The following PRKAG2 variants were observed in gnomAD, a reference collection of about 807,000 sequenced individuals.
PRKAG2 encodes the protein 5'-AMP-activated protein kinase subunit gamma-2.
A neutral mutation model predicts 69.6 loss-of-function variants in PRKAG2; 26 were observed. That is an observed-to-expected ratio of 0.37 (90% CI 0.27 to 0.52). PRKAG2 has a LOEUF of 0.52. Among genes scored for constraint, PRKAG2 ranks in the 20% least tolerant of loss-of-function variants. The pLI, the probability that PRKAG2 is intolerant of heterozygous loss-of-function variation, is 0.90. For missense variants in PRKAG2, 557 were observed against 740.0 expected (o/e 0.75, Z 2.87); for synonymous variants, 293 against 285.0 (o/e 1.03, Z -0.28).
intron 3 of PRKAG2, among the ~76,000 whole-genome samples, chr7:151,709,779 A>C (rs1585954261): frequency 6.6e-6 from 1 of 152,220 alleles, no homozygotes; most frequent in African/African-American, 2.4e-5. Context: ...ACACTGTGAC[A>C]CGGAGTGATG....
chr7:151,696,951 C>T (rs1250745333), intron 3 of PRKAG2, among the ~76,000 whole-genome samples: 1 of 152,126 alleles, frequency 6.6e-6, no homozygotes, highest in Non-Finnish European at 1.5e-5. Context: ...AGGCCCTGTT[C>T]ACCTGCCGCA....
At chr7:151,746,828 C>T (rs566277417) in intron 3 of PRKAG2, among the ~76,000 whole-genome samples, 1 of 152,250 alleles carries the variant, frequency 6.6e-6, no homozygotes, top group South Asian at 2.1e-4. Flanking sequence ...GCAATAGGAG[C>T]TCCACACCTT....
intron 1 of PRKAG2, among the ~76,000 whole-genome samples, chr7:151,832,939 ACT>A (rs1362807885): frequency 5.9e-5 from 9 of 152,218 alleles, no homozygotes; most frequent in South Asian, 2.1e-4. Flanking sequence ...GGACACCCAC[ACT>A]GTCCCCTGAA....
At chr7:151,625,947 T>C (rs1010933350) in intron 5 of PRKAG2, among the ~76,000 whole-genome samples, 3 of 152,072 alleles carry the variant, frequency 2.0e-5, no homozygotes, top group African/African-American at 7.3e-5. Context: ...GTATGGGATG[T>C]GAGTTATATC....
intron 4 of PRKAG2, among the ~76,000 whole-genome samples, chr7:151,637,335 T>G (rs557714891): frequency 6.6e-6 from 1 of 152,350 alleles, no homozygotes; most frequent in Non-Finnish European, 1.5e-5. Context: ...TTAAAAAAAT[T>G]CTTACCGGTG....
At position 151,756,417 on chromosome 7, in the gene PRKAG2, G is replaced by A. The variant is rs911032107; in HGVS notation, c.466+24735C>T. 1.3e-5 allele frequency among the ~76,000 whole-genome samples: 2 copies of A among 152,212 alleles called. No homozygotes were observed. Among genetic ancestry groups the A allele is most frequent in the Non-Finnish European group, 2.9e-5 (2 of 68,028 alleles). ...TTTGTGGGTGCATCTCGGGCACCCCGCTCAGCACATGGCTCAGGCACACGC... is the reference window on the plus strand; with the variant it reads ...TTTGTGGGTGCATCTCGGGCACCCCACTCAGCACATGGCTCAGGCACACGC... On this transcript the variant is annotated intron_variant, in intron 3 of 15. Coordinates refer to ENST00000287878, the MANE Select transcript of PRKAG2 (RefSeq NM_016203.4). This position sits in a 1 kb window ranked among gnomAD's most constrained non-coding sequence, Gnocchi z 4.9.
intron 3 of PRKAG2, among the ~76,000 whole-genome samples, chr7:151,692,099 G>C (rs912848685): frequency 2.0e-5 from 3 of 152,020 alleles, no homozygotes; most frequent in Non-Finnish European, 4.4e-5. Flanking sequence ...GAGGTGTGAG[G>C]ATTACTTAAG....
At chr7:151,785,453 G>A (rs2076956251) in intron 2 of PRKAG2, among the ~76,000 whole-genome samples, 2 of 152,244 alleles carry the variant, frequency 1.3e-5, no homozygotes. Context: ...TGGGCCACGA[G>A]AGCTGCTAAT....
intron 3 of PRKAG2, among the ~76,000 whole-genome samples, chr7:151,684,030 C>T (rs1240985395): frequency 6.6e-6 from 1 of 152,208 alleles, no homozygotes; most frequent in African/African-American, 2.4e-5. Context: ...CCTTCCACCC[C>T]TCATTCCAGA....
chr7:151,755,860 C>T (rs35937356), intron 3 of PRKAG2, among the ~76,000 whole-genome samples: 7,306 of 152,312 alleles, frequency 0.048, 244 homozygotes, highest in Non-Finnish European at 0.071. Context: ...AGTTTCACCC[C>T]GGTGCCTAAA....
chr7:151,838,706 CAA>C lies in PRKAG2; in HGVS notation c.114+37799_114+37800del, dbSNP rs57382424. Among the ~76,000 whole-genome samples the C allele has an allele frequency of 9.1e-3, 838 of 92,102 alleles. 8 individuals carry two copies. Among genetic ancestry groups the C allele is most frequent in the African/African-American group, 0.03 (757 of 25,246 alleles). The allele number at this position is 92,102 out of a possible 152,430, so 60.4% of individuals were successfully genotyped here. On this transcript the variant is annotated intron_variant, in intron 1 of 15. Transcript: ENST00000287878. ...AGGGAGATAAAGCAAGACCCTGTTT[CAA>C]AAAAAAAAAAAAAAAAGTAAAGAAG...
intron 1 of PRKAG2, among the ~76,000 whole-genome samples, chr7:151,872,669 T>G (rs2080245299): frequency 6.6e-6 from 1 of 152,254 alleles, no homozygotes; most frequent in South Asian, 2.1e-4. Flanking sequence ...ACTGGACCCC[T>G]CCTGGGTTGA....
In PRKAG2 at chr7:151,609,330, C is replaced by T. The variant is rs368658552; in HGVS notation, c.755-13876G>A. The stretch of plus-strand genomic sequence containing the variant: ...TATATAAAAAAAATGTGTTGTAAGA[C>T]GGTGTAATTCTTTGGTCTTCTTGGC... On this transcript the variant is annotated intron_variant, in intron 5 of 15. Coordinates refer to ENST00000287878, the MANE Select transcript of PRKAG2 (RefSeq NM_016203.4). 3.5e-4 allele frequency among the ~76,000 whole-genome samples: 53 copies of T among 152,198 alleles called. No homozygotes were observed. In the South Asian group the frequency reaches 4.4e-3, roughly 13 times the overall value.
intron 3 of PRKAG2, among the ~76,000 whole-genome samples, chr7:151,690,606 C>T (rs1207116612): frequency 1.3e-5 from 2 of 152,208 alleles, no homozygotes; most frequent in African/African-American, 4.8e-5. Context: ...ATACATGTTG[C>T]CTCCATGCAA....
intron 3 of PRKAG2, among the ~76,000 whole-genome samples, chr7:151,751,159 G>A (rs985211593): frequency 6.8e-6 from 1 of 147,460 alleles, no homozygotes; most frequent in African/African-American, 2.5e-5. Context: ...GTGTAGTGGT[G>A]TGATCTCAGC....
intron 6 of PRKAG2, among the ~76,000 whole-genome samples, chr7:151,579,099 C>T (rs1410550300): frequency 2.6e-5 from 4 of 152,138 alleles, no homozygotes; most frequent in Non-Finnish European, 5.9e-5. Context: ...TCACTGCACC[C>T]CTCCCCGCTG....
chr7:151,773,023 A>AAGAGAGAG (rs1163334410), intron 3 of PRKAG2, among the ~76,000 whole-genome samples: 10 of 55,054 alleles, frequency 1.8e-4, no homozygotes, highest in Non-Finnish European at 3.2e-4. Context: ...GAAAGAAAGA[A>AAGAGAGAG]AGAGAGAGAG....
chr7:151,866,048 A>G (rs2080069839), intron 1 of PRKAG2, among the ~76,000 whole-genome samples: 1 of 151,640 alleles, frequency 6.6e-6, no homozygotes, highest in Admixed American at 6.6e-5. Flanking sequence ...AAAAGAAAAG[A>G]AAGTGGAGAA....
rs560892122 is a variant in PRKAG2 at position 151,625,784 on chromosome 7, G to C, written c.754+6285C>G. On this transcript the variant is annotated intron_variant, in intron 5 of 15. Coordinates refer to ENST00000287878, the MANE Select transcript of PRKAG2 (RefSeq NM_016203.4). ...AGAAAACAAACCGAAGAAGGAAGGG[G>C]AAGGAAGGAGATGGGCACAGAGAGA... 9.8e-5 allele frequency among the ~76,000 whole-genome samples: 15 copies of C among 152,294 alleles called. No individual in the cohort carries two copies. In the South Asian group the frequency reaches 3.1e-3, roughly 32 times the overall value.
Sources: allele counts gnomAD v4.1 joint callset (sites outside exome capture counted in the v4.1 genomes callset), GRCh38; gene constraint gnomAD v4.1.1; non-coding constraint Gnocchi (gnomAD v3.1); transcripts MANE v1.5; gene names NCBI Gene and HGNC (gene_info 2026-07-23, HGNC 2026-07-21).